The following LGR6 variants were observed in gnomAD, a reference collection of about 807,000 sequenced individuals.
The protein encoded by LGR6 is leucine-rich repeat-containing G protein-coupled receptor 6.
A neutral mutation model predicts 69.4 loss-of-function variants in LGR6; 45 were observed. The observed-to-expected ratio is 0.65, with a 90% confidence interval of 0.51 to 0.83. The LOEUF (loss-of-function observed/expected upper bound fraction) is 0.83. Among genes scored for constraint, LGR6 ranks in the 40% least tolerant of loss-of-function variants. The pLI, the probability that LGR6 is intolerant of heterozygous loss-of-function variation, is 0.00. For missense variants in LGR6, 1,108 were observed against 1,246.7 expected (o/e 0.89, Z 1.68); for synonymous variants, 538 against 555.0 (o/e 0.97, Z 0.43).
chr1:202,205,969 AACAC>A (rs10522754), intron 1 of LGR6, among the ~76,000 whole-genome samples: 6 of 149,002 alleles, frequency 4.0e-5, no homozygotes, highest in African/African-American at 9.9e-5. Context: ...ACAGACACAC[AACAC>A]ACACACACAC....
intron 4 of LGR6, among the ~76,000 whole-genome samples, chr1:202,260,508 A>G (rs960889999): frequency 1.3e-5 from 2 of 152,008 alleles, no homozygotes; most frequent in South Asian, 4.1e-4. Flanking sequence ...TAATTTTTGT[A>G]TTTTTAGTAG....
intron 4 of LGR6, among the ~76,000 whole-genome samples, chr1:202,238,284 T>G (rs1204494264): frequency 6.6e-6 from 1 of 151,730 alleles, no homozygotes; most frequent in Non-Finnish European, 1.5e-5. Context: ...TTTGTAGAGA[T>G]GGGGTTTTGG....
intron 1 of LGR6, among the ~76,000 whole-genome samples, chr1:202,217,076 G>A (rs1307904940): frequency 6.6e-6 from 1 of 152,162 alleles, no homozygotes; most frequent in Non-Finnish European, 1.5e-5. Flanking sequence ...GCCTGCGATG[G>A]GCCTAAGTCC....
chr1:202,254,853 T>C (rs191137761), intron 4 of LGR6, among the ~76,000 whole-genome samples: 13 of 149,822 alleles, frequency 8.7e-5, no homozygotes, highest in Admixed American at 6.6e-4. Flanking sequence ...AACTCAGGAG[T>C]TGAAGATCAG....
rs141148970 is a variant in LGR6, at chr1:202,319,514, A to G, written c.*307A>G. 149 of 324,256 alleles carry G rather than the reference A, an allele frequency of 4.6e-4. No homozygotes were observed. The highest frequency in any genetic ancestry group is 3.0e-3 in the African/African-American group (143 of 47,336). 20.1% of individuals were successfully genotyped at this position (324,256 alleles called of 1,614,324 possible). On this transcript the variant is annotated 3_prime_UTR_variant, in exon 18 of 18. Coordinates refer to ENST00000367278, the MANE Select transcript of LGR6 (RefSeq NM_001017403.2). ...TAAGGGAAATGAGGGAAGTAAAGACAGTGAAGGGGTGGAGGGTTGATCAGG... is the reference window on the plus strand; with the variant it reads ...TAAGGGAAATGAGGGAAGTAAAGACGGTGAAGGGGTGGAGGGTTGATCAGG...
chr1:202,196,200 G>C (rs7541739), intron 1 of LGR6, among the ~76,000 whole-genome samples: 1 of 152,122 alleles, frequency 6.6e-6, no homozygotes, highest in African/African-American at 2.4e-5. Flanking sequence ...GCAGAGGACC[G>C]TGTCCCCTGC....
chr1:202,274,902 G>A (rs1665411692), intron 4 of LGR6, among the ~76,000 whole-genome samples: 2 of 152,174 alleles, frequency 1.3e-5, no homozygotes, highest in South Asian at 2.1e-4. Context: ...AGAGTGTCCT[G>A]GTGAATGTGC....
chr1:202,288,814 C>T (rs1477322092), intron 6 of LGR6, among the ~76,000 whole-genome samples: 1 of 152,198 alleles, frequency 6.6e-6, no homozygotes, highest in Non-Finnish European at 1.5e-5. Flanking sequence ...CTGCAAGACC[C>T]CAGCTTTTGA....
At position 202,201,621 on chromosome 1, in the gene LGR6, G is replaced by C. The variant is rs567323578; in HGVS notation, c.212+7420G>C. Among the ~76,000 whole-genome samples, 96 of 152,256 alleles carry C rather than the reference G, an allele frequency of 6.3e-4. 1 individual carries two copies. Among genetic ancestry groups the C allele is most frequent in the Admixed American group, 3.4e-3 (52 of 15,304 alleles). On this transcript the variant is annotated intron_variant, in intron 1 of 17. Transcript: ENST00000367278. Reference sequence around the variant, plus strand: ...TGCCTCTCAGAGGCCCACAGCTGAGGGGTTTCCAAACTCCAAGGGAATGAG... The same window carrying C: ...TGCCTCTCAGAGGCCCACAGCTGAGCGGTTTCCAAACTCCAAGGGAATGAG...
intron 14 of LGR6, among the ~76,000 whole-genome samples, chr1:202,308,738 T>C (rs530986752): frequency 1.3e-5 from 2 of 152,332 alleles, no homozygotes; most frequent in East Asian, 1.9e-4. Flanking sequence ...GGAACTGTGG[T>C]TGAGGGAGCT....
chr1:202,304,603 G>A lies in LGR6; in HGVS notation c.1043G>A (p.Cys348Tyr). Reference protein sequence around the residue: ...AGIRLLPSGMCQQLPRLRVLE... With the variant: ...AGIRLLPSGMYQQLPRLRVLE... ...ATCCGGCTGCTCCCATCGGGGATGTGCCAACAGCTGCCCAGGCTCCGAGTC... is the reference window on the plus strand; with the variant it reads ...ATCCGGCTGCTCCCATCGGGGATGTACCAACAGCTGCCCAGGCTCCGAGTC... The change falls in exon 11 of 18, where the codon TGC becomes TAC. Residue 348 changes from cysteine to tyrosine, a missense_variant. Transcript: ENST00000367278. The A allele has an allele frequency of 1.2e-6, 2 of 1,610,446 alleles. No homozygotes were observed. The highest frequency in any genetic ancestry group is 1.7e-6 in the Non-Finnish European group (2 of 1,177,264).
In LGR6 at chr1:202,301,314, C is replaced by T; in HGVS notation, c.929+79C>T. ...CTTCTTGCTCTCTCCTGCCTATCGC[C>T]TGCGGATCTCTCCCTTGCAAGGCAC... On this transcript the variant is annotated intron_variant, in intron 9 of 17. Transcript: ENST00000367278. The T allele has an allele frequency of 3.3e-6, 4 of 1,209,980 alleles. No homozygotes were observed. In the East Asian group the frequency reaches 7.0e-5, roughly 21 times the overall value. The allele number at this position is 1,209,980 out of a possible 1,614,324, so 75.0% of individuals were successfully genotyped here.
At chr1:202,197,484 G>A in intron 1 of LGR6, 1 of 532,982 alleles carries the variant, frequency 1.9e-6, no homozygotes, top group South Asian at 1.4e-5. Flanking sequence ...CCGGGGTTTT[G>A]ACATTCTCCC....
chr1:202,228,556 G>A (rs1660752466), intron 3 of LGR6, among the ~76,000 whole-genome samples: 1 of 152,230 alleles, frequency 6.6e-6, no homozygotes, highest in Non-Finnish European at 1.5e-5. Context: ...GAAAGTGAGA[G>A]TTGGAGAGGA....
chr1:202,240,990 G>A (rs1182271778), intron 4 of LGR6, among the ~76,000 whole-genome samples: 1 of 152,210 alleles, frequency 6.6e-6, no homozygotes, highest in African/African-American at 2.4e-5. Flanking sequence ...TCTGTTATCA[G>A]ATGAAGAAAT....
chr1:202,243,981 G>C (rs2148032222), intron 4 of LGR6, among the ~76,000 whole-genome samples: 1 of 152,054 alleles, frequency 6.6e-6, no homozygotes, highest in Middle Eastern at 3.4e-3. Context: ...TTTTGAGATG[G>C]AGTCTCGCTC....
chr1:202,275,802 G>T (rs747919298), intron 4 of LGR6, among the ~76,000 whole-genome samples: 11 of 152,150 alleles, frequency 7.2e-5, no homozygotes, highest in Non-Finnish European at 1.5e-4. Flanking sequence ...TATGGTCTTG[G>T]ACTATCATAG....
chr1:202,308,128 C>T (rs1010353710), intron 14 of LGR6, among the ~76,000 whole-genome samples: 9 of 152,192 alleles, frequency 5.9e-5, no homozygotes, highest in South Asian at 2.1e-4. Context: ...CAGCCCCACC[C>T]GCTTCACTTC....
chr1:202,254,690 C>G (rs1663608648), intron 4 of LGR6, among the ~76,000 whole-genome samples: 1 of 152,084 alleles, frequency 6.6e-6, no homozygotes, highest in Non-Finnish European at 1.5e-5. Flanking sequence ...GTCCAGAATG[C>G]TGTGGGAAGG....
Sources: allele counts gnomAD v4.1 joint callset (sites outside exome capture counted in the v4.1 genomes callset), GRCh38; gene constraint gnomAD v4.1.1; transcripts MANE v1.5; gene names NCBI Gene and HGNC (gene_info 2026-07-23, HGNC 2026-07-21).